The following ARPC2 variants were observed in gnomAD, a reference collection of about 807,000 sequenced individuals.
ARPC2 encodes actin related protein 2/3 complex subunit 2.
ARPC2 carries 4 observed loss-of-function variants against 38.6 expected under a neutral mutation model. That is an observed-to-expected ratio of 0.10 (90% CI 0.05 to 0.24). ARPC2 has a LOEUF of 0.24. Ranked by LOEUF, ARPC2 falls within the 10% of genes least tolerant of loss-of-function variation. The pLI is 1.00. For synonymous variants in ARPC2, 125 were observed against 140.8 expected, an observed-to-expected ratio of 0.89 and a Z score of 0.79; for missense variants, 229 against 387.3, an observed-to-expected ratio of 0.59 and a Z score of 3.43.
chr2:218,219,299 C>A (rs1191526371), intron 2 of ARPC2, among the ~76,000 whole-genome samples: 1 of 151,614 alleles, frequency 6.6e-6, no homozygotes, highest in South Asian at 2.1e-4. Context: ...AGAAGCTAAC[C>A]ATTTCGGAGG....
intron 10 of ARPC2, among the ~76,000 whole-genome samples, chr2:218,252,459 T>C (rs978848033): frequency 4.6e-5 from 7 of 151,794 alleles, no homozygotes; most frequent in Admixed American, 2.0e-4. Context: ...GTCTACATTT[T>C]CCCCTTTCCC....
At chr2:218,234,995 G>A (rs1296643646) in intron 5 of ARPC2, 5 of 374,952 alleles carry the variant, frequency 1.3e-5, no homozygotes, top group Middle Eastern at 3.6e-4. Flanking sequence ...TGATTCAGTG[G>A]CATGTCTCAA....
At chr2:218,241,942 A>G (rs1689926380) in intron 7 of ARPC2, among the ~76,000 whole-genome samples, 1 of 152,258 alleles carries the variant, frequency 6.6e-6, no homozygotes. Flanking sequence ...AAAAATAAAT[A>G]GAACTTTTTC....
In ARPC2 at chr2:218,225,928, C is replaced by A. The variant is rs200038830; in HGVS notation, c.83C>A (p.Pro28Gln). The change falls in exon 3 of 11, where the codon CCG becomes CAG. Residue 28 changes from proline (P) to glutamine (Q), a missense_variant. Around this residue, in one of 3 missense-constraint regions of ARPC2, gnomAD observed 135 missense variants for 214.1 expected, o/e 0.63. Transcript: ENST00000315717. ...KFENAAAGNK[P>Q]EAVEVTFADF... ...TTTTTTGTTGTTTACAGAAACAAAC[C>A]GGAAGCAGTAGAAGTAACATTTGCA... is the stretch of plus-strand genomic sequence containing the variant. 6.2e-7 allele frequency: 1 copy of A among 1,613,582 alleles called. No individual in the cohort carries two copies. Among genetic ancestry groups the A allele is most frequent in the Non-Finnish European group, 8.5e-7 (1 of 1,179,654 alleles).
chr2:218,220,820 C>T (rs572075662), intron 2 of ARPC2, among the ~76,000 whole-genome samples: 1 of 152,236 alleles, frequency 6.6e-6, no homozygotes, highest in African/African-American at 2.4e-5. Context: ...TTTTTTCCTA[C>T]ACACTTCTGG....
At chr2:218,251,728 C>T (rs1002629619) in intron 10 of ARPC2, among the ~76,000 whole-genome samples, 1 of 152,110 alleles carries the variant, frequency 6.6e-6, no homozygotes, top group Admixed American at 6.5e-5. Context: ...GTTGGGATAA[C>T]AGACATGAGC....
chr2:218,225,819 A>G, intron 2 of ARPC2, 101 bp from the exon 3 acceptor site: 1 of 1,089,884 alleles, frequency 9.2e-7, no homozygotes, highest in Non-Finnish European at 1.4e-6. Flanking sequence ...TTTATACAGA[A>G]TGGTCTGATC....
intron 2 of ARPC2, among the ~76,000 whole-genome samples, chr2:218,221,523 A>AC (rs1019480552): frequency 9.2e-5 from 14 of 152,212 alleles, no homozygotes; most frequent in African/African-American, 3.1e-4. Flanking sequence ...CCTGTGGCCT[A>AC]CTTGGGACCA....
rs1486804460 is a variant in ARPC2, at chr2:218,245,555, G to T, written c.676+9G>T. 1 of 1,613,850 alleles carries T rather than the reference G, an allele frequency of 6.2e-7. No individual in the cohort carries two copies. The highest frequency in any genetic ancestry group is 8.5e-7 in the Non-Finnish European group (1 of 1,179,940). ...TGGCTACATTACCTTTGGTGAGCAG[G>T]GTGCACTTGCTGCTTTTGTGCCGCT... On this transcript the variant is annotated intron_variant, in intron 8 of 10. Transcript: ENST00000315717.
At chr2:218,245,396 G>C in intron 7 of ARPC2, 24 bp from the exon 8 acceptor site, 1 of 1,613,708 alleles carries the variant, frequency 6.2e-7, no homozygotes, top group Non-Finnish European at 8.5e-7. Context: ...TTCTCTTCTG[G>C]TTGCTTTTGC....
intron 8 of ARPC2, among the ~76,000 whole-genome samples, chr2:218,248,495 C>A (rs551000439): frequency 6.6e-6 from 1 of 152,298 alleles, no homozygotes. Flanking sequence ...GAGTCTTGCT[C>A]TGTCACTCAG....
chr2:218,236,898 T>A (rs1452355435), intron 5 of ARPC2, among the ~76,000 whole-genome samples: 1 of 152,238 alleles, frequency 6.6e-6, no homozygotes, highest in Non-Finnish European at 1.5e-5. Context: ...CTGGTGAAGT[T>A]ATTCCCGTCA....
chr2:218,218,940 CTTTGCA>C (rs1467763078), intron 2 of ARPC2, among the ~76,000 whole-genome samples: 1 of 152,162 alleles, frequency 6.6e-6, no homozygotes, highest in Non-Finnish European at 1.5e-5. Flanking sequence ...TTACCAGTTT[CTTTGCA>C]TTTTAAATAT....
chr2:218,245,246 G>A (rs1045105897), intron 7 of ARPC2, among the ~76,000 whole-genome samples, 174 bp from the exon 8 acceptor site: 8 of 152,226 alleles, frequency 5.3e-5, no homozygotes, highest in African/African-American at 1.9e-4. Context: ...AATCTGAAGT[G>A]TAGTGGTAGC....
chr2:218,225,297 A>G (rs1689471478), intron 2 of ARPC2, among the ~76,000 whole-genome samples: 1 of 152,202 alleles, frequency 6.6e-6, no homozygotes, highest in Non-Finnish European at 1.5e-5. Flanking sequence ...TACACTGTCT[A>G]TTTTAAGTTC....
chr2:218,239,728 G>A (rs546856684), intron 7 of ARPC2, among the ~76,000 whole-genome samples: 1 of 151,870 alleles, frequency 6.6e-6, no homozygotes, highest in Admixed American at 6.6e-5. Context: ...TGAGTAGCTG[G>A]GATTGTAGGC....
chr2:218,239,819 C>T (rs1319420873), intron 7 of ARPC2, among the ~76,000 whole-genome samples: 1 of 151,934 alleles, frequency 6.6e-6, no homozygotes, highest in African/African-American at 2.4e-5. Context: ...TCTCAAACTG[C>T]CGACCTCAGG....
At chr2:218,239,621 TTCTC>T (rs1386684954) in intron 7 of ARPC2, 137 bp downstream of exon 7, 1 of 657,742 alleles carries the variant, frequency 1.5e-6, no homozygotes, top group East Asian at 2.8e-5. Context: ...GAGACGGAGT[TTCTC>T]TCTTGTTGCC....
chr2:218,239,556 C>T (rs1311111354), intron 7 of ARPC2, 72 bp downstream of exon 7: 9 of 1,231,278 alleles, frequency 7.3e-6, no homozygotes, highest in African/African-American at 1.5e-5. Context: ...ATACCATGAG[C>T]GTAGGAAAGA....
Sources: allele counts gnomAD v4.1 joint callset (sites outside exome capture counted in the v4.1 genomes callset), GRCh38; gene constraint gnomAD v4.1.1; regional missense constraint gnomAD v4.1.1; transcripts MANE v1.5; gene names NCBI Gene and HGNC (gene_info 2026-07-23, HGNC 2026-07-21).